The following DNAH3 variants were observed in gnomAD, a reference collection of about 807,000 sequenced individuals.
The protein encoded by DNAH3 is dynein axonemal heavy chain 3.
Under a neutral mutation model 432.5 loss-of-function variants are expected in DNAH3, and 332 were observed. That is an observed-to-expected ratio of 0.77 (90% CI 0.70 to 0.84). The LOEUF (loss-of-function observed/expected upper bound fraction) is 0.84. Ranked by LOEUF, DNAH3 falls within the 40% of genes least tolerant of loss-of-function variation. DNAH3 has a pLI of 0.00. For missense variants in DNAH3, 4,861 were observed against 5,114.0 expected (o/e 0.95, Z 1.51); for synonymous variants, 1,956 against 1,900.2 (o/e 1.03, Z -0.76).
At chr16:21,031,923 C>T (rs1265378351) in intron 36 of DNAH3, among the ~76,000 whole-genome samples, 1 of 151,952 alleles carries the variant, frequency 6.6e-6, no homozygotes, top group East Asian at 1.9e-4. Context: ...AGCCATTCGC[C>T]ACTTGGGAAG....
intron 1 of DNAH3, among the ~76,000 whole-genome samples, chr16:21,157,022 C>CACACACAT (rs2092902619): frequency 6.6e-6 from 1 of 151,916 alleles, no homozygotes. Context: ...CACACACACA[C>CACACACAT]ACAATCTTTT....
chr16:21,048,211 G>A (rs1048191398), intron 31 of DNAH3, among the ~76,000 whole-genome samples: 2 of 152,252 alleles, frequency 1.3e-5, no homozygotes, highest in African/African-American at 4.8e-5. Context: ...CACCCAGTTC[G>A]AGCTTCCAGG....
At chr16:21,073,218 G>T (rs1455715524) in intron 21 of DNAH3, among the ~76,000 whole-genome samples, 1 of 152,136 alleles carries the variant, frequency 6.6e-6, no homozygotes, top group Non-Finnish European at 1.5e-5. Context: ...CTCAGCATTG[G>T]GAGGTATGTT....
chr16:21,082,185 C>G (rs1041820380), intron 19 of DNAH3, among the ~76,000 whole-genome samples: 3 of 152,024 alleles, frequency 2.0e-5, no homozygotes, highest in African/African-American at 4.8e-5. Flanking sequence ...CAGGAGTGAG[C>G]CGCCACACCC....
intron 4 of DNAH3, 36 bp downstream of exon 5, chr16:21,141,264 G>T: frequency 1.4e-6 from 2 of 1,471,032 alleles, no homozygotes; most frequent in Non-Finnish European, 1.9e-6. Context: ...TCAGCCCACC[G>T]TCCTGCCTTC....
At chr16:20,975,847 C>A (rs1308076272) in intron 50 of DNAH3, among the ~76,000 whole-genome samples, 1 of 152,088 alleles carries the variant, frequency 6.6e-6, no homozygotes, top group Non-Finnish European at 1.5e-5. Flanking sequence ...TGGGTTCAAG[C>A]AATTCTCCTG....
intron 31 of DNAH3, among the ~76,000 whole-genome samples, chr16:21,048,125 TTTTG>T (rs1407695833): frequency 3.3e-5 from 5 of 152,224 alleles, no homozygotes; most frequent in African/African-American, 4.8e-5. Flanking sequence ...ACTGCTGTCT[TTTTG>T]TTTGTCTGTG....
chr16:21,152,232 C>CAA (rs113784810), intron 1 of DNAH3, among the ~76,000 whole-genome samples: 2 of 149,842 alleles, frequency 1.3e-5, no homozygotes, highest in African/African-American at 4.9e-5. Context: ...AACTCCATCT[C>CAA]AAAAAAAAAG....
chr16:20,973,251 ATTCT>A (rs1010232598), intron 51 of DNAH3, among the ~76,000 whole-genome samples: 41 of 151,524 alleles, frequency 2.7e-4, no homozygotes, highest in African/African-American at 9.9e-4. Flanking sequence ...CATGTCTGTC[ATTCT>A]TTTTTTTTTC....
chr16:20,959,427 C>A, intron 53 of DNAH3, 23 bp from the exon 54 acceptor site: 1 of 1,603,928 alleles, frequency 6.2e-7, no homozygotes, highest in Non-Finnish European at 8.5e-7. Context: ...AGAAAGGAGG[C>A]TTTTGAAAGA....
At chr16:21,030,997 G>T in intron 37 of DNAH3, 48 bp downstream of exon 37, 2 of 1,594,542 alleles carry the variant, frequency 1.3e-6, no homozygotes, top group African/African-American at 1.3e-5. Context: ...TTCAATAAAA[G>T]AGTTTATGTC....
chr16:20,975,166 G>T (rs574615753), intron 51 of DNAH3, 67 bp downstream of exon 51: 2 of 1,558,092 alleles, frequency 1.3e-6, no homozygotes, highest in Admixed American at 3.6e-5. Flanking sequence ...TTTCTCATCC[G>T]TAAGATGGGT....
intron 31 of DNAH3, 31 bp from the exon 32 acceptor site, chr16:21,042,234 A>T: frequency 1.3e-6 from 2 of 1,555,938 alleles, no homozygotes; most frequent in Non-Finnish European, 1.7e-6. Flanking sequence ...TGATAAGAGC[A>T]TCTGCTTCTG....
At chr16:21,102,877 CTTTTT>C (rs550772745) in intron 16 of DNAH3, among the ~76,000 whole-genome samples, 1 of 135,266 alleles carries the variant, frequency 7.4e-6, no homozygotes, top group African/African-American at 2.7e-5. Context: ...GACTATTATT[CTTTTT>C]TTTTTTTTTT....
chr16:21,020,802 T>C (rs139705807), intron 40 of DNAH3, among the ~76,000 whole-genome samples: 1 of 152,286 alleles, frequency 6.6e-6, no homozygotes, highest in African/African-American at 2.4e-5. Context: ...TGCATTCATA[T>C]TGCTGTGCGA....
At chr16:20,982,884 T>C (rs889228105) in exon 49 of DNAH3, 6 of 1,613,922 alleles carry the variant, frequency 3.7e-6, no homozygotes, top group Middle Eastern at 1.6e-4. Context: ...ATTGGACTCA[T>C]GGCTAATGAA....
intron 18 of DNAH3, among the ~76,000 whole-genome samples, 196 bp downstream of exon 18, chr16:21,097,159 T>C (rs2091705776): frequency 6.6e-6 from 1 of 152,208 alleles, no homozygotes; most frequent in Admixed American, 6.5e-5. Flanking sequence ...ACCCTGGAAA[T>C]AGATCTGGCT....
At chr16:21,085,207 C>T (rs2091324279) in intron 19 of DNAH3, among the ~76,000 whole-genome samples, 1 of 151,948 alleles carries the variant, frequency 6.6e-6, no homozygotes, top group East Asian at 1.9e-4. Flanking sequence ...AGTAAGACCC[C>T]CCCCATCTCT....
chr16:21,017,500 C>T (rs373981855), intron 41 of DNAH3, among the ~76,000 whole-genome samples: 38 of 152,254 alleles, frequency 2.5e-4, no homozygotes, highest in African/African-American at 8.2e-4. Flanking sequence ...ACTTGGAAGT[C>T]CCCTCCCCAC....
Sources: gnomAD v4.1 joint callset for allele counts (sites outside exome capture counted in the v4.1 genomes callset) on GRCh38, gnomAD v4.1.1 for gene constraint, MANE v1.5 for transcripts, NCBI Gene and HGNC (gene_info 2026-07-23, HGNC 2026-07-21) for gene names.